The following ENPP6 variants were observed in gnomAD, a reference collection of about 807,000 sequenced individuals.
ENPP6 encodes the protein glycerophosphocholine cholinephosphodiesterase ENPP6.
In ENPP6, 32 loss-of-function variants were observed where a neutral mutation model predicts 42.0. The observed-to-expected ratio is 0.76, with a 90% confidence interval of 0.58 to 1.02. The LOEUF (loss-of-function observed/expected upper bound fraction) is 1.02. Among genes scored for constraint, ENPP6 ranks in the 50% least tolerant of loss-of-function variants. The pLI, the probability that ENPP6 is intolerant of heterozygous loss-of-function variation, is 0.00. For synonymous variants in ENPP6, 213 were observed against 216.0 expected (o/e 0.99, Z 0.12); for missense variants, 552 against 566.8 (o/e 0.97, Z 0.27).
chr4:184,091,766 T>C (rs1735806773), intron 7 of ENPP6, among the ~76,000 whole-genome samples: 2 of 151,978 alleles, frequency 1.3e-5, no homozygotes, highest in Non-Finnish European at 2.9e-5. Context: ...AAACCAGGCA[T>C]GGTGGTGTGC....
intron 5 of ENPP6, among the ~76,000 whole-genome samples, chr4:184,116,044 T>C (rs1736307552): frequency 6.7e-6 from 1 of 149,956 alleles, no homozygotes; most frequent in Admixed American, 6.6e-5. Context: ...TGAAACCCCG[T>C]CTCTACTAAA....
intron 1 of ENPP6, among the ~76,000 whole-genome samples, chr4:184,206,251 ATTTTTTTTTT>A (rs1554000365): frequency 1.1e-5 from 1 of 93,392 alleles, no homozygotes; most frequent in African/African-American, 4.5e-5. Context: ...GGAAGCTTGA[ATTTTTTTTTT>A]TTTTTTTTTT....
At chr4:184,143,296 T>G (rs2111369930) in intron 2 of ENPP6, among the ~76,000 whole-genome samples, 1 of 152,366 alleles carries the variant, frequency 6.6e-6, no homozygotes, top group Middle Eastern at 3.4e-3. Flanking sequence ...ACAAATGGCC[T>G]TATCCCTCAT....
intron 4 of ENPP6, among the ~76,000 whole-genome samples, chr4:184,117,407 T>C (rs1736338554): frequency 6.6e-6 from 1 of 152,208 alleles, no homozygotes; most frequent in African/African-American, 2.4e-5. Flanking sequence ...AAAACAAAAC[T>C]GAACACTTGT....
intron 1 of ENPP6, among the ~76,000 whole-genome samples, chr4:184,162,547 A>AGAAGGAGGGAGGGAAGGAGGGAAGGAAG (rs112158447): frequency 2.9e-5 from 1 of 34,524 alleles, no homozygotes; most frequent in African/African-American, 4.8e-5. Context: ...GAGGGAGGGA[A>AGAAGGAGGGAGGGAAGGAGGGAAGGAAG]GAAGGAAGGA....
intron 2 of ENPP6, among the ~76,000 whole-genome samples, chr4:184,133,305 T>A (rs967657767): frequency 2.0e-5 from 3 of 152,194 alleles, no homozygotes; most frequent in African/African-American, 7.2e-5. Flanking sequence ...TTAGGTCTTT[T>A]TACATTTCTC....
chr4:184,100,538 G>A (rs1321816159), intron 6 of ENPP6, among the ~76,000 whole-genome samples: 2 of 152,210 alleles, frequency 1.3e-5, no homozygotes, highest in Non-Finnish European at 2.9e-5. Flanking sequence ...TGAGAAAAAA[G>A]GGTAGAGGGT....
chr4:184,141,602 G>T (rs1736822238), intron 2 of ENPP6, among the ~76,000 whole-genome samples: 1 of 152,096 alleles, frequency 6.6e-6, no homozygotes, highest in Non-Finnish European at 1.5e-5. Context: ...CTTAATTAGG[G>T]CTCAGTTTTT....
intron 7 of ENPP6, among the ~76,000 whole-genome samples, chr4:184,095,220 G>A (rs192487504): frequency 7.8e-4 from 119 of 152,290 alleles, no homozygotes; most frequent in East Asian, 9.6e-4. Context: ...AAGACTGGGC[G>A]CTTTTAGTGT....
intron 1 of ENPP6, among the ~76,000 whole-genome samples, chr4:184,158,544 C>T (rs1036597325): frequency 2.0e-5 from 3 of 152,118 alleles, no homozygotes; most frequent in Admixed American, 2.0e-4. Context: ...TTATAATTTA[C>T]AGTATTAGAA....
At chr4:184,140,262 A>T (rs1736797774) in intron 2 of ENPP6, among the ~76,000 whole-genome samples, 1 of 151,354 alleles carries the variant, frequency 6.6e-6, no homozygotes, top group South Asian at 2.1e-4. Context: ...ATGGAAGAAC[A>T]TTCCATGCTC....
chr4:184,105,823 C>A (rs1387253883), intron 6 of ENPP6, among the ~76,000 whole-genome samples: 2 of 152,162 alleles, frequency 1.3e-5, no homozygotes, highest in African/African-American at 4.8e-5. Flanking sequence ...TTCACAGCAA[C>A]CAGTATTACT....
At chr4:184,114,940 T>G (rs1736288955) in intron 5 of ENPP6, among the ~76,000 whole-genome samples, 1 of 152,152 alleles carries the variant, frequency 6.6e-6, no homozygotes, top group South Asian at 2.1e-4. Flanking sequence ...ACTGTCCCCC[T>G]GGGGATGGAG....
At chr4:184,129,405 A>C (rs942006232) in intron 2 of ENPP6, among the ~76,000 whole-genome samples, 3 of 152,150 alleles carry the variant, frequency 2.0e-5, no homozygotes, top group Non-Finnish European at 4.4e-5. Context: ...GTTTTTAAAA[A>C]AATGCTTATT....
chr4:184,110,254 C>T (rs1235308675), intron 6 of ENPP6, among the ~76,000 whole-genome samples: 1 of 152,156 alleles, frequency 6.6e-6, no homozygotes. Context: ...GTGATTGGGA[C>T]CCCCTGGTCT....
chr4:184,145,756 C>A (rs1306910926), intron 2 of ENPP6, among the ~76,000 whole-genome samples: 1 of 152,244 alleles, frequency 6.6e-6, no homozygotes, highest in Non-Finnish European at 1.5e-5. Context: ...TGAGCCACTG[C>A]AGCTTGACTG....
intron 3 of ENPP6, among the ~76,000 whole-genome samples, chr4:184,118,426 G>T (rs1225740243): frequency 6.6e-6 from 1 of 152,178 alleles, no homozygotes; most frequent in African/African-American, 2.4e-5. Flanking sequence ...TCTCCTTAGT[G>T]CAGCACTCCT....
In ENPP6 at chr4:184,156,686, C is replaced by G. The variant is rs531138295; in HGVS notation, c.242-2953G>C. Among the ~76,000 whole-genome samples, 5 of 152,332 alleles carry G rather than the reference C, an allele frequency of 3.3e-5. 1 individual carries two copies. The South Asian group carries it at 1.0e-3, about 32-fold the overall frequency. ...GCTCTTCCTCCTCCAAATGACTACT[C>G]TGGGGGCTTTGAAATATGTGTTTGC... On this transcript the variant is annotated intron_variant, in intron 1 of 7. Transcript: ENST00000296741.
At position 184,165,307 on chromosome 4, in the gene ENPP6, T is replaced by C. The variant is rs531308807; in HGVS notation, c.242-11574A>G. Among the ~76,000 whole-genome samples, 80 of 152,214 alleles carry C rather than the reference T, an allele frequency of 5.3e-4. 1 individual carries two copies. The highest frequency in any genetic ancestry group is 1.0e-3 in the Non-Finnish European group (69 of 68,038). On this transcript the variant is annotated intron_variant, in intron 1 of 7. Coordinates refer to ENST00000296741, the MANE Select transcript of ENPP6 (RefSeq NM_153343.4). ...TAGGAGATGGAGAATATTACCTCCATTTTGCTGATGCTTAAGAACTAAGAT... is the reference window on the plus strand; with the variant it reads ...TAGGAGATGGAGAATATTACCTCCACTTTGCTGATGCTTAAGAACTAAGAT...
Sources: gnomAD v4.1 joint callset for allele counts (sites outside exome capture counted in the v4.1 genomes callset) on GRCh38, gnomAD v4.1.1 for gene constraint, MANE v1.5 for transcripts, NCBI Gene and HGNC (gene_info 2026-07-23, HGNC 2026-07-21) for gene names.